Variants in UBXN2A observed in about 807,000 individuals in gnomAD.
The protein encoded by UBXN2A is UBX domain-containing protein 2A.
UBXN2A carries 28 observed loss-of-function variants against 28.4 expected under a neutral mutation model. The observed-to-expected ratio is 0.99, with a 90% confidence interval of 0.73 to 1.35. UBXN2A has a LOEUF of 1.35. UBXN2A is among the 40% of genes most tolerant of loss of function. The probability of loss-of-function intolerance (pLI) is 0.00; values close to 1 mark genes in which losing one functional copy is unlikely to be tolerated. For missense variants in UBXN2A, 253 were observed against 297.9 expected (o/e 0.85, Z 1.11); for synonymous variants, 97 against 103.6 (o/e 0.94, Z 0.39).
intron 1 of UBXN2A, chr2:23,944,121 C>T (rs749713145): frequency 2.5e-6 from 2 of 805,248 alleles, no homozygotes; most frequent in South Asian, 1.3e-5. Flanking sequence ...CCCTGTTACT[C>T]CCAGGAAAGT....
chr2:23,971,404 A>C lies in UBXN2A; in HGVS notation c.170A>C (p.Gln57Pro). 1 of 1,541,022 alleles carries C rather than the reference A, an allele frequency of 6.5e-7. No homozygotes were observed. Among genetic ancestry groups the C allele is most frequent in the Middle Eastern group, 1.7e-4 (1 of 5,724 alleles). Residue 57 changes from glutamine to proline, a missense_variant, in exon 3 of 7, where the codon CAG becomes CCG. By Grantham distance (76) the Gln-to-Pro change is moderately conservative. Coordinates refer to ENST00000309033, the MANE Select transcript of UBXN2A (RefSeq NM_181713.4). ...VSSKCVSPAE[Q>P]KKQVDVNIKL... ...TCCAAATGTGTGTCTCCCGCTGAAC[A>C]GAAGAAACAGGTAAATAAATGTCTA...
intron 6 of UBXN2A, among the ~76,000 whole-genome samples, chr2:23,987,409 A>G (rs1290191003): frequency 6.6e-6 from 1 of 152,158 alleles, no homozygotes; most frequent in Non-Finnish European, 1.5e-5. Context: ...TACCTAGTAT[A>G]TATGTATTGC....
chr2:23,946,229 C>A (rs1354316842), intron 1 of UBXN2A, among the ~76,000 whole-genome samples: 1 of 152,164 alleles, frequency 6.6e-6, no homozygotes, highest in African/African-American at 2.4e-5. Context: ...TCTCAGTTCA[C>A]TGCAACCTTT....
At chr2:23,963,609 A>G (rs1243762081) in intron 2 of UBXN2A, among the ~76,000 whole-genome samples, 1 of 152,142 alleles carries the variant, frequency 6.6e-6, no homozygotes, top group Non-Finnish European at 1.5e-5. Context: ...ATCACCTCAC[A>G]CCTGTCAGGA....
intron 1 of UBXN2A, among the ~76,000 whole-genome samples, chr2:23,957,109 AT>A (rs912458756): frequency 2.0e-5 from 3 of 150,812 alleles, no homozygotes; most frequent in African/African-American, 7.3e-5. Flanking sequence ...TGTTTTTCTT[AT>A]TTTTTTTTCC....
chr2:23,972,602 T>G (rs1180342705), intron 3 of UBXN2A, among the ~76,000 whole-genome samples: 2 of 152,112 alleles, frequency 1.3e-5, no homozygotes, highest in Non-Finnish European at 2.9e-5. Context: ...GGCGGGTGGA[T>G]CACGAGGTCA....
At chr2:23,996,910 T>C (rs557937751) in intron 6 of UBXN2A, 2 of 152,262 alleles carry the variant, frequency 1.3e-5, no homozygotes, top group South Asian at 4.1e-4. Flanking sequence ...CCTGGGCTGG[T>C]TCCCCCCACC....
At chr2:23,975,327 TG>T (rs1707610251) in intron 3 of UBXN2A, among the ~76,000 whole-genome samples, 1 of 152,186 alleles carries the variant, frequency 6.6e-6, no homozygotes, top group Non-Finnish European at 1.5e-5. Context: ...TTTGAAGAAG[TG>T]TCAAAGAAGA....
At chr2:23,993,020 CTA>C (rs1447644094) in intron 6 of UBXN2A, among the ~76,000 whole-genome samples, 1 of 152,132 alleles carries the variant, frequency 6.6e-6, no homozygotes. Context: ...CTGGTGCTTT[CTA>C]TGTGTTTGGC....
At chr2:23,948,891 A>G (rs72796389) in intron 1 of UBXN2A, among the ~76,000 whole-genome samples, 18,172 of 151,748 alleles carry the variant, frequency 0.12, 1,182 homozygotes, top group Middle Eastern at 0.22. Flanking sequence ...CTAGAGAACA[A>G]TAACCTATTA....
Position 23,968,996 on chromosome 2 carries a change from G to A in UBXN2A, c.42-2280G>A, listed in dbSNP as rs557228605. ...CAACCTCCGCCTCCCAGGTTCAAGC[G>A]ATTCTTCTGCCTCAGCCTCCTGAGT... is the stretch of plus-strand genomic sequence containing the variant. On this transcript the variant is annotated intron_variant, in intron 2 of 6. Transcript: ENST00000309033. The A allele has an allele frequency of 1.3e-3, 201 of 149,892 alleles. 3 individuals carry two copies. Among genetic ancestry groups the A allele is most frequent in the Admixed American group, 1.1e-3 (16 of 14,816 alleles). 9.3% of individuals were successfully genotyped at this position (149,892 alleles called of 1,614,324 possible). A position where few individuals can be genotyped will look rare whatever the true frequency, so the allele number is the denominator to read the frequency against.
At chr2:23,974,852 G>A (rs1447069703) in intron 3 of UBXN2A, among the ~76,000 whole-genome samples, 4 of 152,042 alleles carry the variant, frequency 2.6e-5, no homozygotes, top group East Asian at 1.9e-4. Flanking sequence ...GGTGATGCAC[G>A]CCTGTAATCT....
intron 2 of UBXN2A, chr2:23,968,894 CTTTTTTTTTTTT>C (rs551302005): frequency 3.6e-4 from 47 of 130,596 alleles, no homozygotes; most frequent in African/African-American, 1.3e-3. Context: ...TTTCTTTTTT[CTTTTTTTTTTTT>C]TTTTTGAGAC....
At chr2:23,929,858 T>C (rs1374618490) in intron 1 of UBXN2A, among the ~76,000 whole-genome samples, 1 of 152,202 alleles carries the variant, frequency 6.6e-6, no homozygotes, top group Non-Finnish European at 1.5e-5. Context: ...CAAGTTACCA[T>C]AACCTATACC....
chr2:23,982,918 G>T lies in UBXN2A; in HGVS notation c.310G>T (p.Gly104Ter). 6.2e-7 allele frequency: 1 copy of T among 1,605,828 alleles called. No homozygotes were observed. Among genetic ancestry groups the T allele is most frequent in the Non-Finnish European group, 8.5e-7 (1 of 1,176,170 alleles). Residue 104 changes from glycine (G) to a stop codon, truncating the protein, a stop_gained, in exon 5 of 7, where the codon GGA becomes TGA. Transcript: ENST00000309033. LOFTEE classifies it high-confidence loss of function. The part of the protein sequence containing the change: ...KKGELPSELQ[G>*]IFDKEEVDVK... ...AAGGGAATTACCTTCAGAATTACAGGGAATTTTTGATAAAGAAGAGGTGGA... is the reference window on the plus strand; with the variant it reads ...AAGGGAATTACCTTCAGAATTACAGTGAATTTTTGATAAAGAAGAGGTGGA...
chr2:23,957,800 C>T (rs1464594795), intron 1 of UBXN2A, among the ~76,000 whole-genome samples: 1 of 152,176 alleles, frequency 6.6e-6, no homozygotes, highest in Non-Finnish European at 1.5e-5. Context: ...TGCCATTGCA[C>T]TCCAGCCTGG....
At chr2:23,934,565 G>A (rs976236256) in intron 1 of UBXN2A, among the ~76,000 whole-genome samples, 2 of 152,192 alleles carry the variant, frequency 1.3e-5, no homozygotes, top group African/African-American at 2.4e-5. Flanking sequence ...GCCACCCATC[G>A]TCCTTCTATG....
chr2:23,944,993 G>A (rs1705988230), intron 1 of UBXN2A, among the ~76,000 whole-genome samples: 1 of 151,968 alleles, frequency 6.6e-6, no homozygotes, highest in Non-Finnish European at 1.5e-5. Context: ...TTTTTTTCTT[G>A]CATTTCTAGA....
chr2:23,983,949 T>G (rs2150897551), intron 5 of UBXN2A, among the ~76,000 whole-genome samples: 1 of 152,356 alleles, frequency 6.6e-6, no homozygotes, highest in East Asian at 1.9e-4. Flanking sequence ...GTGCTGGGAT[T>G]ACAGGTGTGA....
Sources: gnomAD v4.1 joint callset for allele counts (sites outside exome capture counted in the v4.1 genomes callset) on GRCh38, gnomAD v4.1.1 for gene constraint, MANE v1.5 for transcripts, NCBI Gene and HGNC (gene_info 2026-07-23, HGNC 2026-07-21) for gene names.